Variants in ATP8B1 observed in about 807,000 individuals in gnomAD.
The protein encoded by ATP8B1 is ATPase phospholipid transporting 8B1.
ATP8B1 carries 80 observed loss-of-function variants against 149.9 expected under a neutral mutation model. The ratio of observed to expected loss-of-function variants is 0.53; its 90% CI spans 0.45 to 0.64. The LOEUF is 0.64. Ranked by LOEUF, ATP8B1 falls within the 30% of genes least tolerant of loss-of-function variation. ATP8B1 has a pLI of 0.00. For missense variants in ATP8B1, 1,247 were observed against 1,552.6 expected (o/e 0.80, Z 3.31); for synonymous variants, 536 against 562.8 (o/e 0.95, Z 0.67).
In ATP8B1 at chr18:57,695,297, G is replaced by T. The variant is rs1222978652; in HGVS notation, c.814C>A (p.Leu272Ile). The change falls in exon 10 of 28, where the codon CTA becomes ATA. Residue 272 changes from leucine (L) to isoleucine (I), a missense_variant. Physicochemically the swap from Leu to Ile is conservative, Grantham distance 5. This residue lies in a region of ATP8B1 where 853 missense variants were observed against 1,035.7 expected (regional missense o/e 0.82). Coordinates refer to ENST00000648908, the MANE Select transcript of ATP8B1 (RefSeq NM_001374385.1). ...AATAGTGTTCCTGTAAACTTATCTA[G>T]TCTGTTATTGGGTTCTTCACATTCA... ...FIECEEPNNR[L>I]DKFTGTLFWR... The T allele has an allele frequency of 1.2e-6, 2 of 1,608,442 alleles. No individual in the cohort carries two copies. Among genetic ancestry groups the T allele is most frequent in the African/African-American group, 1.3e-5 (1 of 74,776 alleles).
chr18:57,667,442 C>CA, intron 19 of ATP8B1: 1 of 437,478 alleles, frequency 2.3e-6, no homozygotes, highest in Non-Finnish European at 4.2e-6. Flanking sequence ...TTGCCAGGCT[C>CA]ATTCTTACTG....
intron 26 of ATP8B1, among the ~76,000 whole-genome samples, chr18:57,650,761 C>T (rs992582203): frequency 5.9e-5 from 9 of 152,016 alleles, no homozygotes; most frequent in African/African-American, 1.9e-4. Flanking sequence ...TGCTTGAACC[C>T]GGAAGGCGGA....
intron 6 of ATP8B1, 31 bp from the exon 7 acceptor site, chr18:57,697,898 A>ATTTAT: frequency 6.4e-7 from 1 of 1,556,816 alleles, no homozygotes; most frequent in Non-Finnish European, 8.9e-7. Flanking sequence ...GGATTTATTG[A>ATTTAT]CATTTTAAGT....
intron 1 of ATP8B1, among the ~76,000 whole-genome samples, chr18:57,791,351 C>CTTTTTT (rs570282416): frequency 5.1e-4 from 42 of 82,362 alleles, no homozygotes; most frequent in African/African-American, 7.9e-4. Flanking sequence ...CTTTTCTTTT[C>CTTTTTT]TTTTTTTTTT....
At chr18:57,671,356 G>A (rs1911208552) in intron 17 of ATP8B1, 112 bp downstream of exon 17, 3 of 957,030 alleles carry the variant, frequency 3.1e-6, no homozygotes, top group Admixed American at 1.9e-5. Flanking sequence ...CCCAACTATT[G>A]CAAAGCAAAG....
intron 21 of ATP8B1, among the ~76,000 whole-genome samples, 165 bp from the exon 22 acceptor site, chr18:57,661,627 G>A (rs184842507): frequency 1.3e-3 from 184 of 143,724 alleles, no homozygotes; most frequent in African/African-American, 4.3e-3. Flanking sequence ...ATATGTGTGC[G>A]TGTGTATGTA....
At chr18:57,662,391 G>T in intron 21 of ATP8B1, 92 bp downstream of exon 21, 1 of 1,504,708 alleles carries the variant, frequency 6.6e-7, no homozygotes, top group South Asian at 1.1e-5. Context: ...AGACTTTTAG[G>T]TTGGCAGTTA....
intron 1 of ATP8B1, among the ~76,000 whole-genome samples, chr18:57,781,193 C>T (rs928446791): frequency 6.6e-6 from 1 of 152,218 alleles, no homozygotes; most frequent in East Asian, 1.9e-4. Context: ...GGAACTTCTA[C>T]TTCTTCAAAG....
At chr18:57,756,672 T>TC (rs71171083) in intron 1 of ATP8B1, among the ~76,000 whole-genome samples, 37 of 151,862 alleles carry the variant, frequency 2.4e-4, no homozygotes, top group African/African-American at 8.0e-4. Context: ...TCTCTCTCTC[T>TC]TTTTAAAACT....
rs907201608 is a variant in ATP8B1 at position 57,707,261 on chromosome 18, A to C, written c.182-674T>G. Among the ~76,000 whole-genome samples, 4 of 152,154 alleles carry C rather than the reference A, an allele frequency of 2.6e-5. No individual in the cohort carries two copies. In the East Asian group the frequency reaches 5.8e-4, roughly 22 times the overall value. ...CAGTGAGCTGAGATTGCGCCACTGCACTCTAGCCTGGGCGACAGAGCAAGA... is the reference window on the plus strand; with the variant it reads ...CAGTGAGCTGAGATTGCGCCACTGCCCTCTAGCCTGGGCGACAGAGCAAGA... On this transcript the variant is annotated intron_variant, in intron 2 of 27. Transcript: ENST00000648908.
intron 1 of ATP8B1, among the ~76,000 whole-genome samples, chr18:57,748,201 T>C (rs540435295): frequency 6.6e-6 from 1 of 152,316 alleles, no homozygotes; most frequent in African/African-American, 2.4e-5. Flanking sequence ...TGCATCAGGC[T>C]CTCCACTATG....
intron 1 of ATP8B1, among the ~76,000 whole-genome samples, chr18:57,764,023 G>A (rs898159085): frequency 1.3e-5 from 2 of 152,210 alleles, no homozygotes; most frequent in Admixed American, 6.5e-5. Context: ...GTGCACTGCC[G>A]AAGGCCATCG....
rs34583775 is a variant in ATP8B1, at chr18:57,706,591, TA to T, written c.182-5del. ...GCTTTGACTTGCCATGTACATTCTT[TA>T]AAAAAAAGGGAGAAAAGTTCGTAAG... On this transcript the variant is annotated splice_region_variant and splice_polypyrimidine_tract_variant and intron_variant, in intron 2 of 27. Coordinates refer to ENST00000648908, the MANE Select transcript of ATP8B1 (RefSeq NM_001374385.1). The T allele has an allele frequency of 1.7e-5, 28 of 1,606,600 alleles. No homozygotes were observed. Among genetic ancestry groups the T allele is most frequent in the East Asian group, 8.9e-5 (4 of 44,794 alleles).
In ATP8B1 at chr18:57,783,093, G is replaced by A. The variant is rs184314496; in HGVS notation, c.-26+19905C>T. On this transcript the variant is annotated intron_variant, in intron 1 of 27. Transcript: ENST00000648908. ...CTCCCAAAGTGCTGGGATTACAGGC[G>A]TGAGCCACGGTGCCCGGCCTAGTTT... 3.9e-5 allele frequency among the ~76,000 whole-genome samples: 6 copies of A among 152,186 alleles called. No homozygotes were observed. In the East Asian group the frequency reaches 1.2e-3, roughly 29 times the overall value.
At chr18:57,714,189 G>T (rs1438867255) in intron 2 of ATP8B1, among the ~76,000 whole-genome samples, 2 of 152,166 alleles carry the variant, frequency 1.3e-5, no homozygotes, top group Non-Finnish European at 2.9e-5. Context: ...ATGGGGAGAG[G>T]CCCCTGAGCC....
Position 57,661,946 on chromosome 18 carries a change from C to T in ATP8B1, c.2419-484G>A, listed in dbSNP as rs910683508. ...TATTGGCCAGGATGGTCTCCATCTC[C>T]TGACCTTGTGATCTGCCCGCCTTGG... On this transcript the variant is annotated intron_variant, in intron 21 of 27. Coordinates refer to ENST00000648908, the MANE Select transcript of ATP8B1 (RefSeq NM_001374385.1). 3.9e-5 allele frequency among the ~76,000 whole-genome samples: 6 copies of T among 152,164 alleles called. No individual in the cohort carries two copies. In the East Asian group the frequency reaches 1.2e-3, roughly 30 times the overall value.
At chr18:57,729,135 TA>T (rs1231690350) in intron 2 of ATP8B1, among the ~76,000 whole-genome samples, 1 of 152,046 alleles carries the variant, frequency 6.6e-6, no homozygotes, top group Non-Finnish European at 1.5e-5. Flanking sequence ...GGCAGAGTTG[TA>T]AAAAAACAGG....
intron 1 of ATP8B1, among the ~76,000 whole-genome samples, chr18:57,792,655 G>T (rs1341456016): frequency 6.6e-6 from 1 of 152,126 alleles, no homozygotes; most frequent in Non-Finnish European, 1.5e-5. Context: ...TGATGAAAAG[G>T]TTCTGACGTA....
rs1909708743 is a variant in ATP8B1, at chr18:57,652,728, T to G, written c.3017A>C (p.Asp1006Ala). The change falls in exon 25 of 28, where the codon GAT (aspartate) becomes GCT (alanine). Residue 1006 changes from aspartate (D) to alanine (A), a missense_variant and splice_region_variant. Asp to Ala is a moderately radical substitution (Grantham distance 126). Around this residue, in one of 3 missense-constraint regions of ATP8B1, gnomAD observed 230 missense variants for 356.6 expected, o/e 0.65. Transcript: ENST00000648908. ...PVLLMGLLDQDVSDKLSLRFP... is the reference protein window; with the variant it reads ...PVLLMGLLDQAVSDKLSLRFP... ...TCGGAGGCTCAGTTTGTCACTCACA[T>G]CCTTAAGGAGAAAACAAAATGATGG... 1 of 1,614,028 alleles carries G rather than the reference T, an allele frequency of 6.2e-7. No homozygotes were observed. Among genetic ancestry groups the G allele is most frequent in the South Asian group, 1.1e-5 (1 of 91,084 alleles).
Sources: gnomAD v4.1 joint callset for allele counts (sites outside exome capture counted in the v4.1 genomes callset) on GRCh38, gnomAD v4.1.1 for gene constraint, gnomAD v4.1.1 regional missense constraint, MANE v1.5 for transcripts, NCBI Gene and HGNC (gene_info 2026-07-23, HGNC 2026-07-21) for gene names.